Variants in ZNF385B observed in about 807,000 individuals in gnomAD.
ZNF385B encodes zinc finger protein 385B.
Under a neutral mutation model 39.2 loss-of-function variants are expected in ZNF385B, and 23 were observed. The ratio of observed to expected loss-of-function variants is 0.59; its 90% CI spans 0.42 to 0.83. The LOEUF (loss-of-function observed/expected upper bound fraction) is 0.83, where lower values mean the gene tolerates loss of function less well. Among genes scored for constraint, ZNF385B ranks in the 40% least tolerant of loss-of-function variants. The probability of loss-of-function intolerance (pLI) is 0.00; values close to 1 mark genes in which losing one functional copy is unlikely to be tolerated. For synonymous variants in ZNF385B, 205 were observed against 222.6 expected, an observed-to-expected ratio of 0.92 and a Z score of 0.70; for missense variants, 552 against 598.9, an observed-to-expected ratio of 0.92 and a Z score of 0.82.
intron 3 of ZNF385B, among the ~76,000 whole-genome samples, chr2:179,709,317 ATGT>A (rs1345990650): frequency 4.6e-5 from 7 of 152,162 alleles, no homozygotes; most frequent in Non-Finnish European, 8.8e-5. Flanking sequence ...AGTAAGACTA[ATGT>A]TGTTCTGTCT....
chr2:179,844,045 A>G (rs753329604), intron 1 of ZNF385B, among the ~76,000 whole-genome samples: 8 of 152,200 alleles, frequency 5.3e-5, no homozygotes, highest in Non-Finnish European at 1.2e-4. Context: ...GCCATTTTGA[A>G]CAATTCTGTA....
intron 3 of ZNF385B, among the ~76,000 whole-genome samples, chr2:179,683,221 G>C (rs7585817): frequency 0.48 from 72,637 of 151,420 alleles, 17,599 homozygotes; most frequent in Admixed American, 0.54. Flanking sequence ...AACCCTGTCT[G>C]TACTAAAAAT....
chr2:179,730,376 G>T (rs1327779417), intron 3 of ZNF385B, among the ~76,000 whole-genome samples: 4 of 152,254 alleles, frequency 2.6e-5, no homozygotes, highest in East Asian at 3.9e-4. Flanking sequence ...GTTAAATGTT[G>T]ACCTCACCAT....
At chr2:179,842,679 C>A (rs1437622472) in intron 1 of ZNF385B, among the ~76,000 whole-genome samples, 1 of 151,982 alleles carries the variant, frequency 6.6e-6, no homozygotes, top group Non-Finnish European at 1.5e-5. Flanking sequence ...TCGAGGCCAC[C>A]ATGAGCAGCC....
intron 3 of ZNF385B, among the ~76,000 whole-genome samples, chr2:179,635,527 T>TAGA (rs1691679331): frequency 6.6e-6 from 1 of 151,880 alleles, no homozygotes; most frequent in South Asian, 2.1e-4. Flanking sequence ...GAACTTAAAG[T>TAGA]ATAATAATAA....
intron 5 of ZNF385B, among the ~76,000 whole-genome samples, chr2:179,498,524 A>G (rs1190978513): frequency 6.6e-6 from 1 of 152,086 alleles, no homozygotes; most frequent in Non-Finnish European, 1.5e-5. Context: ...AGAAATTCAT[A>G]ACAAAAGGAA....
At chr2:179,714,685 C>T (rs1163521484) in intron 3 of ZNF385B, among the ~76,000 whole-genome samples, 3 of 152,096 alleles carry the variant, frequency 2.0e-5, no homozygotes, top group African/African-American at 7.2e-5. Flanking sequence ...GTGGCTCACG[C>T]CTGTAATCCC....
At chr2:179,530,396 C>T (rs1290736650) in intron 4 of ZNF385B, among the ~76,000 whole-genome samples, 1 of 152,040 alleles carries the variant, frequency 6.6e-6, no homozygotes, top group Non-Finnish European at 1.5e-5. Flanking sequence ...AAATAGGATA[C>T]AATTGCTTGT....
At chr2:179,540,317 A>T (rs1370699896) in intron 4 of ZNF385B, among the ~76,000 whole-genome samples, 2 of 152,096 alleles carry the variant, frequency 1.3e-5, no homozygotes, top group East Asian at 1.9e-4. Flanking sequence ...GTGGTGGCGC[A>T]TGACTGTAAT....
chr2:179,767,569 C>G (rs2106499878), intron 3 of ZNF385B, among the ~76,000 whole-genome samples: 1 of 152,164 alleles, frequency 6.6e-6, no homozygotes, highest in South Asian at 2.1e-4. Flanking sequence ...AGAGTTGCTA[C>G]CCAGCAGGAA....
chr2:179,759,107 A>T (rs946699195), intron 3 of ZNF385B, among the ~76,000 whole-genome samples: 2 of 152,052 alleles, frequency 1.3e-5, no homozygotes, highest in African/African-American at 4.8e-5. Context: ...TGCTTGACTA[A>T]CTTTTTTTTA....
chr2:179,532,834 C>G (rs992322385), intron 4 of ZNF385B, among the ~76,000 whole-genome samples: 1 of 152,156 alleles, frequency 6.6e-6, no homozygotes, highest in East Asian at 1.9e-4. Flanking sequence ...TGGCAGTTAT[C>G]AAACCACTAC....
At chr2:179,792,179 T>C (rs891269319) in intron 1 of ZNF385B, among the ~76,000 whole-genome samples, 5 of 152,114 alleles carry the variant, frequency 3.3e-5, no homozygotes, top group African/African-American at 1.2e-4. Flanking sequence ...ATCCCAGCCC[T>C]AGGATAACTC....
intron 4 of ZNF385B, among the ~76,000 whole-genome samples, chr2:179,524,629 A>G (rs2058767987): frequency 6.7e-6 from 1 of 150,334 alleles, no homozygotes; most frequent in East Asian, 2.0e-4. Context: ...CTAGAGGTCC[A>G]ATATGTTTTA....
chr2:179,763,583 G>A (rs58601210), intron 3 of ZNF385B, among the ~76,000 whole-genome samples: 15,491 of 151,996 alleles, frequency 0.1, 949 homozygotes, highest in Non-Finnish European at 0.14. Context: ...CTTCTTGGTC[G>A]GGAACTTACT....
chr2:179,845,266 G>C (rs1037122070), intron 1 of ZNF385B, among the ~76,000 whole-genome samples: 1 of 152,126 alleles, frequency 6.6e-6, no homozygotes, highest in Non-Finnish European at 1.5e-5. Context: ...GGTCATATGA[G>C]CTGACTGGGT....
At chr2:179,605,482 G>C (rs571978159) in intron 3 of ZNF385B, among the ~76,000 whole-genome samples, 4 of 152,222 alleles carry the variant, frequency 2.6e-5, no homozygotes, top group Admixed American at 2.6e-4. Flanking sequence ...TTTATGCATA[G>C]TCAGTTAGGA....
At chr2:179,524,551 CAAAAAAAAAAAAAAAAAAAAAAAAA>C (rs770219234) in intron 4 of ZNF385B, among the ~76,000 whole-genome samples, 1 of 60,970 alleles carries the variant, frequency 1.6e-5, no homozygotes, top group Non-Finnish European at 2.7e-5. Context: ...GACTCCGTCT[CAAAAAAAAAAAAAAAAAAAAAAAAA>C]AAAAAAAAAA....
chr2:179,470,816 T>A (rs1023360371), intron 6 of ZNF385B, among the ~76,000 whole-genome samples: 2 of 149,432 alleles, frequency 1.3e-5, no homozygotes, highest in Non-Finnish European at 3.0e-5. Flanking sequence ...AGCCTGCTGT[T>A]CAAGCCAGCC....
Sources: allele counts gnomAD v4.1 joint callset (sites outside exome capture counted in the v4.1 genomes callset), GRCh38; gene constraint gnomAD v4.1.1; transcripts MANE v1.5; gene names NCBI Gene and HGNC (gene_info 2026-07-23, HGNC 2026-07-21).